Variants in FGFR1OP2 observed in about 807,000 individuals in gnomAD.
FGFR1OP2 encodes FGFR1 oncogene partner 2.
A neutral mutation model predicts 35.2 loss-of-function variants in FGFR1OP2; 17 were observed. That is an observed-to-expected ratio of 0.48 (90% CI 0.33 to 0.73). FGFR1OP2 has a LOEUF of 0.73. Among genes scored for constraint, FGFR1OP2 ranks in the 30% least tolerant of loss-of-function variants. The probability of loss-of-function intolerance (pLI) is 0.02; values close to 1 mark genes in which losing one functional copy is unlikely to be tolerated. For missense variants in FGFR1OP2, 251 were observed against 307.3 expected, an observed-to-expected ratio of 0.82 and a Z score of 1.37; for synonymous variants, 105 against 104.6, an observed-to-expected ratio of 1.00 and a Z score of -0.03.
At chr12:26,948,604 A>G (rs369458378) in intron 1 of FGFR1OP2, among the ~76,000 whole-genome samples, 2 of 152,198 alleles carry the variant, frequency 1.3e-5, no homozygotes, top group African/African-American at 4.8e-5. Context: ...TGTGACTACA[A>G]CGTGTCTGGA....
In FGFR1OP2 at chr12:26,963,439, G is replaced by T. The variant is rs761029261; in HGVS notation, c.608G>T (p.Arg203Leu). The T allele has an allele frequency of 9.4e-6, 15 of 1,599,406 alleles. 1 individual carries two copies. The South Asian group carries it at 1.5e-4, about 16-fold the overall frequency. ...DEQQGCKEQERIFQLEQENKG... is the reference protein window; with the variant it reads ...DEQQGCKEQELIFQLEQENKG... ...CAACAGGGTTGCAAGGAACAAGAAC[G>T]AATATTTCAACTTGAAGTAAGTTTT... Residue 203 changes from arginine to leucine, a missense_variant, in exon 6 of 7, where the codon CGA (arginine) becomes CTA (leucine). Coordinates refer to ENST00000229395, the MANE Select transcript of FGFR1OP2 (RefSeq NM_015633.3).
At chr12:26,941,547 A>T (rs942310653) in intron 1 of FGFR1OP2, among the ~76,000 whole-genome samples, 4 of 152,208 alleles carry the variant, frequency 2.6e-5, no homozygotes, top group African/African-American at 7.2e-5. Flanking sequence ...TAGTTAACAA[A>T]TTTTAAATGT....
At chr12:26,953,743 G>C (rs1267360697) in intron 1 of FGFR1OP2, 1 of 152,820 alleles carries the variant, frequency 6.5e-6, no homozygotes, top group African/African-American at 2.4e-5. Flanking sequence ...TTTTCAGACA[G>C]TCATTGACCC....
chr12:26,963,891 C>T (rs190947403), intron 6 of FGFR1OP2, among the ~76,000 whole-genome samples: 134 of 152,216 alleles, frequency 8.8e-4, no homozygotes, highest in Non-Finnish European at 1.6e-3. Flanking sequence ...CTCTGAATAA[C>T]TGAAATCAGT....
At chr12:26,958,532 G>A (rs1416226557) in intron 4 of FGFR1OP2, among the ~76,000 whole-genome samples, 1 of 152,104 alleles carries the variant, frequency 6.6e-6, no homozygotes, top group Non-Finnish European at 1.5e-5. Flanking sequence ...GACTATAAAT[G>A]ATCTTGTTTA....
At position 26,957,489 on chromosome 12, in the gene FGFR1OP2, G is replaced by A. The variant is rs933802325; in HGVS notation, c.254-112G>A. 6.9e-6 allele frequency: 6 copies of A among 874,302 alleles called. No individual in the cohort carries two copies. The African/African-American group carries it at 8.5e-5, about 12-fold the overall frequency. 54.2% of individuals were successfully genotyped at this position (874,302 alleles called of 1,614,324 possible). ...CTTATTGTTATATGGCTAGATTTTT[G>A]TGCATTGTGTTTTCTTTTTAAAATG... On this transcript the variant is annotated intron_variant, in intron 3 of 6. Coordinates refer to ENST00000229395, the MANE Select transcript of FGFR1OP2 (RefSeq NM_015633.3).
chr12:26,956,568 A>G lies in FGFR1OP2; in HGVS notation c.161A>G (p.Asn54Ser), dbSNP rs758813061. The G allele has an allele frequency of 6.3e-7, 1 of 1,579,190 alleles. No individual in the cohort carries two copies. The highest frequency in any genetic ancestry group is 8.6e-7 in the Non-Finnish European group (1 of 1,162,174). The part of the protein sequence containing the change: ...KQYQEEIQEL[N>S]EVARHRPRST... Reference sequence around the variant, plus strand: ...TATCAGGAAGAAATTCAAGAACTTAATGAAGTCGCGAGACATCGGCCACGG... The same window carrying G: ...TATCAGGAAGAAATTCAAGAACTTAGTGAAGTCGCGAGACATCGGCCACGG... The change falls in exon 3 of 7, where the codon AAT (asparagine) becomes AGT (serine). Residue 54 changes from asparagine (N) to serine (S), a missense_variant. Transcript: ENST00000229395.
chr12:26,964,567 CT>C, intron 6 of FGFR1OP2, 28 bp from the exon 7 acceptor site: 3 of 1,604,590 alleles, frequency 1.9e-6, no homozygotes, highest in Non-Finnish European at 2.6e-6. Flanking sequence ...TAGATAGTGA[CT>C]GCATCTTTGT....
intron 4 of FGFR1OP2, among the ~76,000 whole-genome samples, chr12:26,959,052 TG>T (rs1852139465): frequency 6.6e-6 from 1 of 152,142 alleles, no homozygotes; most frequent in Non-Finnish European, 1.5e-5. Flanking sequence ...TGCTTGTACG[TG>T]TTTTTAACTT....
rs192128988 is a variant in FGFR1OP2 at position 26,945,245 on chromosome 12, A to G, written c.-15+6535A>G. On this transcript the variant is annotated intron_variant, in intron 1 of 6. Transcript: ENST00000229395. ...TTTCTACTCTTTATTATTTCTTTCTATTTACTTTAGGTTTATTTTGCTCTT... is the reference window on the plus strand; with the variant it reads ...TTTCTACTCTTTATTATTTCTTTCTGTTTACTTTAGGTTTATTTTGCTCTT... Among the ~76,000 whole-genome samples, 7 of 150,914 alleles carry G rather than the reference A, an allele frequency of 4.6e-5. No homozygotes were observed. In the East Asian group the frequency reaches 9.7e-4, roughly 21 times the overall value.
rs1938624334 is a variant in FGFR1OP2 at position 26,938,659 on chromosome 12, G to C, written c.-66G>C. ...GAGTGCATAGGTCCCGGTTGGTAGA[G>C]GGTTTGAGTCCGCATCGCCACAGCT... On this transcript the variant is annotated 5_prime_UTR_variant, in exon 1 of 7. Coordinates refer to ENST00000229395, the MANE Select transcript of FGFR1OP2 (RefSeq NM_015633.3). 6.6e-6 allele frequency: 1 copy of C among 152,518 alleles called. No homozygotes were observed. The highest frequency in any genetic ancestry group is 1.5e-5 in the Non-Finnish European group (1 of 68,224). The allele number at this position is 152,518 out of a possible 1,614,324, so 9.4% of individuals were successfully genotyped here.
intron 1 of FGFR1OP2, among the ~76,000 whole-genome samples, chr12:26,940,428 C>T (rs2136345527): frequency 6.6e-6 from 1 of 152,246 alleles, no homozygotes. Context: ...ATTTTCTTTG[C>T]TTTCACATAC....
intron 1 of FGFR1OP2, among the ~76,000 whole-genome samples, chr12:26,951,146 CG>C (rs1357983908): frequency 3.4e-5 from 5 of 148,088 alleles, no homozygotes; most frequent in South Asian, 4.2e-4. Flanking sequence ...TTAAGGTATA[CG>C]ATTTTTTTTT....
At chr12:26,946,597 C>CAGT (rs1156596913) in intron 1 of FGFR1OP2, among the ~76,000 whole-genome samples, 1 of 152,210 alleles carries the variant, frequency 6.6e-6, no homozygotes, top group Non-Finnish European at 1.5e-5. Flanking sequence ...TGGGCGTGGG[C>CAGT]CACTGCGCCT....
chr12:26,950,424 C>T (rs1055992876), intron 1 of FGFR1OP2, among the ~76,000 whole-genome samples: 7 of 151,644 alleles, frequency 4.6e-5, no homozygotes. Flanking sequence ...GACGGAGTTT[C>T]ACTGTGTTAG....
chr12:26,953,919 T>C (rs1329629552), intron 1 of FGFR1OP2, among the ~76,000 whole-genome samples: 1 of 152,208 alleles, frequency 6.6e-6, no homozygotes, highest in Non-Finnish European at 1.5e-5. Flanking sequence ...TGTCTGCAAA[T>C]CTTTTAACTG....
chr12:26,963,411 G>A lies in FGFR1OP2; in HGVS notation c.580G>A (p.Glu194Lys), dbSNP rs769212623. The A allele has an allele frequency of 1.5e-5, 24 of 1,607,568 alleles. No individual in the cohort carries two copies. Among genetic ancestry groups the A allele is most frequent in the Admixed American group, 6.7e-5 (4 of 59,418 alleles). The change falls in exon 6 of 7, where the codon GAG becomes AAG. Residue 194 changes from glutamate (E) to lysine (K), a missense_variant. By Grantham distance (56) the Glu-to-Lys change is moderately conservative. Coordinates refer to ENST00000229395, the MANE Select transcript of FGFR1OP2 (RefSeq NM_015633.3). ...AVMRKAIEID[E>K]QQGCKEQERI... ...AATGAGGAAAGCCATTGAAATTGAC[G>A]AGCAACAGGGTTGCAAGGAACAAGA...
intron 1 of FGFR1OP2, among the ~76,000 whole-genome samples, chr12:26,941,071 A>C (rs981154166): frequency 1.3e-5 from 2 of 151,932 alleles, no homozygotes; most frequent in African/African-American, 4.8e-5. Flanking sequence ...GTGGGCGAGA[A>C]TGTGACTAAT....
intron 1 of FGFR1OP2, among the ~76,000 whole-genome samples, chr12:26,939,057 T>C (rs952941837): frequency 6.6e-6 from 1 of 152,240 alleles, no homozygotes; most frequent in Admixed American, 6.5e-5. Flanking sequence ...CAGCGTTTAA[T>C]GAAGATAACT....
Sources: allele counts gnomAD v4.1 joint callset (sites outside exome capture counted in the v4.1 genomes callset), GRCh38; gene constraint gnomAD v4.1.1; transcripts MANE v1.5; gene names NCBI Gene and HGNC (gene_info 2026-07-23, HGNC 2026-07-21).